TACR1: variants seen among roughly 807,000 people sequenced by gnomAD.
TACR1 encodes substance-P receptor.
TACR1 carries 25 observed loss-of-function variants against 35.8 expected under a neutral mutation model. The observed-to-expected ratio is 0.70, with a 90% CI of 0.51 to 0.98. TACR1 has a LOEUF of 0.98. TACR1 is among the 50% of genes least tolerant of loss of function. The pLI, the probability that TACR1 is intolerant of heterozygous loss-of-function variation, is 0.00. For missense variants in TACR1, 478 were observed against 522.9 expected, an observed-to-expected ratio of 0.91 and a Z score of 0.84; for synonymous variants, 195 against 206.7, an observed-to-expected ratio of 0.94 and a Z score of 0.48.
chr2:75,198,604 A>G lies in TACR1; in HGVS notation c.331T>C (p.Phe111Leu). 3 of 1,614,214 alleles carry G rather than the reference A, an allele frequency of 1.9e-6. No individual in the cohort carries two copies. Among genetic ancestry groups the G allele is most frequent in the Non-Finnish European group, 8.5e-7 (1 of 1,180,034 alleles). Reference sequence around the variant, plus strand: ...CTGGCGAAGACAGCGGCGATGGGAAAGAAGTTGTGGAACTTGCAGTAGAAC... The same window carrying G: ...CTGGCGAAGACAGCGGCGATGGGAAGGAAGTTGTGGAACTTGCAGTAGAAC... ...GLFYCKFHNF[F>L]PIAAVFASIY... is the part of the protein sequence containing the mutation. The change falls in exon 1 of 5, where the codon TTT (phenylalanine) becomes CTT (leucine). Residue 111 changes from phenylalanine to leucine, a missense_variant. Transcript: ENST00000305249.
chr2:75,180,018 C>A (rs1374316541), intron 1 of TACR1, among the ~76,000 whole-genome samples: 1 of 152,180 alleles, frequency 6.6e-6, no homozygotes, highest in Non-Finnish European at 1.5e-5. Context: ...GGCTTTATTG[C>A]CAATATCATT....
chr2:75,131,626 A>G (rs1674180476), intron 1 of TACR1, among the ~76,000 whole-genome samples: 1 of 152,256 alleles, frequency 6.6e-6, no homozygotes, highest in African/African-American at 2.4e-5. Context: ...ATTTGCAACT[A>G]TGTACAAATA....
intron 2 of TACR1, among the ~76,000 whole-genome samples, chr2:75,103,538 A>G (rs1195698885): frequency 4.0e-5 from 6 of 149,728 alleles, no homozygotes; most frequent in Admixed American, 6.7e-5. Flanking sequence ...AATACCCATG[A>G]GTCCATACTA....
intron 2 of TACR1, among the ~76,000 whole-genome samples, chr2:75,081,296 C>A (rs1054548054): frequency 6.6e-6 from 1 of 152,198 alleles, no homozygotes; most frequent in Non-Finnish European, 1.5e-5. Context: ...AAGAGGGGTT[C>A]CTGTCCTTGG....
chr2:75,111,224 G>A (rs1025054946), intron 2 of TACR1, among the ~76,000 whole-genome samples: 1 of 151,862 alleles, frequency 6.6e-6, no homozygotes, highest in African/African-American at 2.4e-5. Context: ...ACTTATATAT[G>A]CAAACCAGCA....
intron 1 of TACR1, among the ~76,000 whole-genome samples, chr2:75,126,897 A>G (rs913479347): frequency 1.3e-5 from 2 of 152,190 alleles, no homozygotes; most frequent in African/African-American, 4.8e-5. Context: ...AAAAATCTCA[A>G]TATCACTGAT....
At chr2:75,181,717 C>T (rs1379431732) in intron 1 of TACR1, among the ~76,000 whole-genome samples, 1 of 152,024 alleles carries the variant, frequency 6.6e-6, no homozygotes, top group Non-Finnish European at 1.5e-5. Flanking sequence ...TGTTTCTTCC[C>T]TTTTTGTTTT....
chr2:75,173,703 T>C (rs1252999527), intron 1 of TACR1, among the ~76,000 whole-genome samples: 1 of 152,182 alleles, frequency 6.6e-6, no homozygotes, highest in Non-Finnish European at 1.5e-5. Flanking sequence ...TAAATTGAAG[T>C]TTTGTCTAAT....
At chr2:75,155,872 T>G (rs1233517933) in intron 1 of TACR1, among the ~76,000 whole-genome samples, 1 of 152,248 alleles carries the variant, frequency 6.6e-6, no homozygotes, top group Non-Finnish European at 1.5e-5. Context: ...TTATTCTAAC[T>G]CAGGATTGGT....
At chr2:75,161,346 T>G (rs1675004912) in intron 1 of TACR1, among the ~76,000 whole-genome samples, 1 of 152,038 alleles carries the variant, frequency 6.6e-6, no homozygotes, top group Non-Finnish European at 1.5e-5. Flanking sequence ...AAATAGCTCT[T>G]TAAAGAGAAA....
Position 75,079,736 on chromosome 2 carries a change from C to CTTTTTTT in TACR1, c.585-25988_585-25982dup, listed in dbSNP as rs11367021. Among the ~76,000 whole-genome samples, 36 of 114,182 alleles carry CTTTTTTT rather than the reference C, an allele frequency of 3.2e-4. 1 individual carries two copies. Among genetic ancestry groups the CTTTTTTT allele is most frequent in the African/African-American group, 1.0e-3 (32 of 31,998 alleles). The allele number at this position is 114,182 out of a possible 152,430, so 74.9% of individuals were successfully genotyped here. On this transcript the variant is annotated intron_variant, in intron 2 of 4. Coordinates refer to ENST00000305249, the MANE Select transcript of TACR1 (RefSeq NM_001058.4). ...CAAACTGTGCATCTAAACCTAATGC[C>CTTTTTTT]TTTTTTTTTTTTTTTTTTTTTGGTC...
chr2:75,081,334 C>G (rs1224940791), intron 2 of TACR1, among the ~76,000 whole-genome samples: 3 of 152,178 alleles, frequency 2.0e-5, no homozygotes, highest in Non-Finnish European at 1.5e-5. Flanking sequence ...CCCACGAAGG[C>G]TCTTCCATGA....
chr2:75,151,250 G>T (rs879940594), intron 1 of TACR1, among the ~76,000 whole-genome samples: 26 of 152,228 alleles, frequency 1.7e-4, no homozygotes, highest in Admixed American at 2.6e-4. Flanking sequence ...AAGACCATGG[G>T]GAAAATGTCT....
At chr2:75,139,838 G>A (rs890832505) in intron 1 of TACR1, among the ~76,000 whole-genome samples, 8 of 152,148 alleles carry the variant, frequency 5.3e-5, no homozygotes, top group African/African-American at 1.9e-4. Flanking sequence ...AAACAGTGAG[G>A]GGAGGCGTGA....
chr2:75,120,696 G>T lies in TACR1; in HGVS notation c.462C>A (p.Ile154=). 1 of 1,614,088 alleles carries T rather than the reference G, an allele frequency of 6.2e-7. No homozygotes were observed. The highest frequency in any genetic ancestry group is 8.5e-7 in the Non-Finnish European group (1 of 1,180,000). The change falls in exon 2 of 5, where the codon ATC becomes ATA. Residue 154 remains isoleucine (I), a synonymous_variant. Coordinates refer to ENST00000305249, the MANE Select transcript of TACR1 (RefSeq NM_001058.4). The part of the protein sequence containing the change: ...ATATKVVICV[I]WVLALLLAFP... ...AGGCCAGCAGGAGAGCCAGGACCCAGATGACACAGATGACCACTTTGGTGG... is the reference window on the plus strand; with the variant it reads ...AGGCCAGCAGGAGAGCCAGGACCCATATGACACAGATGACCACTTTGGTGG...
chr2:75,147,204 C>A (rs1314704163), intron 1 of TACR1, among the ~76,000 whole-genome samples: 2 of 152,188 alleles, frequency 1.3e-5, no homozygotes, highest in Admixed American at 6.5e-5. Flanking sequence ...AAAATGCCCC[C>A]ACCAAAGAGA....
intron 1 of TACR1, among the ~76,000 whole-genome samples, chr2:75,157,344 A>C (rs1043448378): frequency 7.9e-5 from 12 of 152,162 alleles, no homozygotes; most frequent in African/African-American, 2.9e-4. Flanking sequence ...TTACCCAGTG[A>C]CTTTGGGTAG....
At chr2:75,115,387 G>A (rs1211385120) in intron 2 of TACR1, among the ~76,000 whole-genome samples, 1 of 152,060 alleles carries the variant, frequency 6.6e-6, no homozygotes, top group Non-Finnish European at 1.5e-5. Flanking sequence ...ACACATTGCA[G>A]GTGAGAATGT....
intron 2 of TACR1, among the ~76,000 whole-genome samples, chr2:75,073,832 G>A (rs1221098569): frequency 6.6e-6 from 1 of 152,160 alleles, no homozygotes; most frequent in African/African-American, 2.4e-5. Context: ...CTCACCAGAA[G>A]GGCTGTTTCT....
Sources: allele counts gnomAD v4.1 joint callset (sites outside exome capture counted in the v4.1 genomes callset), GRCh38; gene constraint gnomAD v4.1.1; transcripts MANE v1.5; gene names NCBI Gene and HGNC (gene_info 2026-07-23, HGNC 2026-07-21).